Variants in KIAA2012 observed in about 807,000 individuals in gnomAD.
The protein encoded by KIAA2012 is uncharacterized protein KIAA2012.
Under a neutral mutation model 150.6 loss-of-function variants are expected in KIAA2012, and 125 were observed. The observed-to-expected ratio is 0.83, with a 90% confidence interval of 0.72 to 0.96. KIAA2012 has a LOEUF of 0.96. KIAA2012 is among the 40% of genes least tolerant of loss of function. KIAA2012 has a pLI of 0.00. For synonymous variants in KIAA2012, 462 were observed against 504.7 expected (o/e 0.92, Z 1.13); for missense variants, 1,219 against 1,354.9 (o/e 0.90, Z 1.57).
intron 15 of KIAA2012, chr2:202,179,509 A>G (rs1692072376): frequency 1.4e-6 from 1 of 702,624 alleles, no homozygotes; most frequent in Non-Finnish European, 2.7e-6. Context: ...CCAAGCACAT[A>G]GGTTTGGTGT....
chr2:202,086,399 G>A (rs1194713915), intron 2 of KIAA2012, among the ~76,000 whole-genome samples: 3 of 152,048 alleles, frequency 2.0e-5, no homozygotes, highest in Non-Finnish European at 4.4e-5. Flanking sequence ...TCGTCTAAAG[G>A]CTCCATATTT....
chr2:202,143,416 A>G (rs1375569170), intron 13 of KIAA2012, among the ~76,000 whole-genome samples: 1 of 151,270 alleles, frequency 6.6e-6, no homozygotes, highest in Non-Finnish European at 1.5e-5. Context: ...GGAAATCAAA[A>G]TAAGTCAACT....
intron 18 of KIAA2012, among the ~76,000 whole-genome samples, chr2:202,188,717 C>T (rs1003769876): frequency 7.2e-5 from 11 of 152,156 alleles, no homozygotes; most frequent in African/African-American, 2.4e-4. Context: ...TGACTCCCAG[C>T]AGATTCTATT....
chr2:202,085,290 G>C (rs1689536203), intron 2 of KIAA2012, among the ~76,000 whole-genome samples: 1 of 152,220 alleles, frequency 6.6e-6, no homozygotes, highest in Non-Finnish European at 1.5e-5. Context: ...ACAGGGCAAA[G>C]GGAAATCAAG....
rs905711211 is a variant in KIAA2012 at position 202,104,890 on chromosome 2, A to T, written c.1325-871A>T. 1.3e-5 allele frequency among the ~76,000 whole-genome samples: 2 copies of T among 152,192 alleles called. No individual in the cohort carries two copies. Among genetic ancestry groups the T allele is most frequent in the Non-Finnish European group, 2.9e-5 (2 of 68,040 alleles). On this transcript the variant is annotated intron_variant, in intron 8 of 23. Transcript: ENST00000498697. The surrounding 1 kb of genome is among the most constrained non-coding windows in gnomAD (Gnocchi z 4.3). ...TATTCACAAGATTGGGTTCGATCTG[A>T]TTATTTTCCATGATGACCCTGATAG...
At chr2:202,125,350 A>T (rs1690757672) in intron 12 of KIAA2012, 68 bp downstream of exon 12, 1 of 1,238,848 alleles carries the variant, frequency 8.1e-7, no homozygotes, top group African/African-American at 1.5e-5. Context: ...ATATTATTTC[A>T]TATATAGACC....
rs1559234370 is a variant in KIAA2012 at position 202,193,286 on chromosome 2, ACT to A, written c.2812-12_2812-11del. 2 of 1,548,474 alleles carry A rather than the reference ACT, an allele frequency of 1.3e-6. No homozygotes were observed. The highest frequency in any genetic ancestry group is 1.7e-6 in the Non-Finnish European group (2 of 1,146,602). On this transcript the variant is annotated splice_polypyrimidine_tract_variant and intron_variant, in intron 19 of 23. Coordinates refer to ENST00000498697, the MANE Select transcript of KIAA2012 (RefSeq NM_001277372.4). Reference sequence around the variant, plus strand: ...CCCATCTGTTTATTGCACTGAGAACACTCTGGTTTCTTAGGCCCTCCTCACTA... The same window carrying A: ...CCCATCTGTTTATTGCACTGAGAACACTGGTTTCTTAGGCCCTCCTCACTA...
rs1000787055 is a variant in KIAA2012, at chr2:202,073,512, T to C, written c.-116T>C. ...GAAAAATGTATTTAATAAAAGGCCC[T>C]GTGTTTGTGGTCTTCTTGGGCTTGC... On this transcript the variant is annotated 5_prime_UTR_variant, in exon 1 of 24. Transcript: ENST00000498697. 1.0e-5 allele frequency: 8 copies of C among 784,276 alleles called. No individual in the cohort carries two copies. Among genetic ancestry groups the C allele is most frequent in the South Asian group, 8.8e-5 (5 of 56,700 alleles). The allele number at this position is 784,276 out of a possible 1,614,324, so 48.6% of individuals were successfully genotyped here. A position where few individuals can be genotyped will look rare whatever the true frequency, so the allele number is the denominator to read the frequency against.
At chr2:202,102,297 A>G (rs1690064855) in intron 7 of KIAA2012, among the ~76,000 whole-genome samples, 1 of 152,234 alleles carries the variant, frequency 6.6e-6, no homozygotes. Context: ...ATAAGTATGA[A>G]AAACTTCAAT....
intron 22 of KIAA2012, among the ~76,000 whole-genome samples, chr2:202,200,074 G>A (rs1263670650): frequency 1.3e-5 from 2 of 151,846 alleles, no homozygotes; most frequent in Non-Finnish European, 2.9e-5. Flanking sequence ...GGGATTACAG[G>A]CGCATGCCAC....
At chr2:202,153,757 C>T (rs189289324) in intron 13 of KIAA2012, among the ~76,000 whole-genome samples, 71 of 152,276 alleles carry the variant, frequency 4.7e-4, no homozygotes, top group African/African-American at 1.7e-3. Context: ...GACTTTCATC[C>T]CTTTGGGCAC....
intron 23 of KIAA2012, among the ~76,000 whole-genome samples, chr2:202,203,341 A>G (rs141472778): frequency 2.4e-4 from 36 of 152,326 alleles, no homozygotes; most frequent in African/African-American, 8.4e-4. Context: ...CAAAACCACA[A>G]CCATTTCACC....
At chr2:202,131,899 G>A (rs1690938755) in intron 12 of KIAA2012, among the ~76,000 whole-genome samples, 1 of 152,182 alleles carries the variant, frequency 6.6e-6, no homozygotes, top group Non-Finnish European at 1.5e-5. Context: ...TAAGAGGCCT[G>A]GTGCGGTGGC....
At chr2:202,105,964 A>G (rs1297568648) in intron 9 of KIAA2012, 54 bp downstream of exon 9, 2 of 1,550,598 alleles carry the variant, frequency 1.3e-6, no homozygotes, top group Non-Finnish European at 1.7e-6. Flanking sequence ...GAAGGGAAGC[A>G]AGGCAAGACA....
Position 202,190,323 on chromosome 2 carries a change from A to G in KIAA2012, c.2641A>G (p.Arg881Gly). ...SYEETEDTSN[R>G]GSFASDSFVE... ...TGAGGAAACAGAAGACACCTCAAAT[A>G]GAGGTTCCTTTGCCTCAGACTCCTT... The change falls in exon 19 of 24, where the codon AGA (arginine) becomes GGA (glycine). Residue 881 changes from arginine to glycine, a missense_variant. Physicochemically the swap from Arg to Gly is moderately radical, Grantham distance 125 (BLOSUM62 -2). Coordinates refer to ENST00000498697, the MANE Select transcript of KIAA2012 (RefSeq NM_001277372.4). 1 of 1,550,634 alleles carries G rather than the reference A, an allele frequency of 6.4e-7. No individual in the cohort carries two copies. The highest frequency in any genetic ancestry group is 8.7e-7 in the Non-Finnish European group (1 of 1,147,014).
intron 15 of KIAA2012, among the ~76,000 whole-genome samples, chr2:202,171,613 T>C (rs1034426827): frequency 2.0e-5 from 3 of 152,096 alleles, no homozygotes; most frequent in Non-Finnish European, 2.9e-5. Context: ...TGGTGGCTTG[T>C]GATGTCTCTA....
intron 4 of KIAA2012, among the ~76,000 whole-genome samples, chr2:202,094,913 T>G (rs895048174): frequency 3.9e-5 from 6 of 152,174 alleles, no homozygotes; most frequent in Non-Finnish European, 5.9e-5. Flanking sequence ...GCTGTCACAA[T>G]CAGGCAGAAA....
intron 18 of KIAA2012, among the ~76,000 whole-genome samples, chr2:202,189,373 C>G (rs1253080413): frequency 6.6e-6 from 1 of 151,592 alleles, no homozygotes; most frequent in Non-Finnish European, 1.5e-5. Context: ...CTCACTGCAA[C>G]CTCCGCCTCC....
chr2:202,188,081 T>C (rs1692263506), intron 17 of KIAA2012, 71 bp from the exon 18 acceptor site: 3 of 1,275,454 alleles, frequency 2.4e-6, no homozygotes, highest in South Asian at 2.8e-5. Context: ...TTGTTCAACA[T>C]AATCTTCTTT....
Sources: gnomAD v4.1 joint callset for allele counts (sites outside exome capture counted in the v4.1 genomes callset) on GRCh38, gnomAD v4.1.1 for gene constraint, Gnocchi (gnomAD v3.1) non-coding constraint, MANE v1.5 for transcripts, NCBI Gene and HGNC (gene_info 2026-07-23, HGNC 2026-07-21) for gene names.